Variants in BIRC2 observed in about 807,000 individuals in gnomAD.
BIRC2 encodes baculoviral IAP repeat-containing protein 2.
Under a neutral mutation model 60.9 loss-of-function variants are expected in BIRC2, and 18 were observed. The ratio of observed to expected loss-of-function variants is 0.30; its 90% CI spans 0.20 to 0.44. The LOEUF (loss-of-function observed/expected upper bound fraction) is 0.44. Ranked by LOEUF, BIRC2 falls within the 20% of genes least tolerant of loss-of-function variation. The probability of loss-of-function intolerance (pLI) is 1.00; values close to 1 mark genes in which losing one functional copy is unlikely to be tolerated. For missense variants in BIRC2, 701 were observed against 728.5 expected (o/e 0.96, Z 0.43); for synonymous variants, 282 against 247.7 (o/e 1.14, Z -1.30).
At chr11:102,351,163 A>G (rs1193511381) in intron 3 of BIRC2, among the ~76,000 whole-genome samples, 1 of 152,240 alleles carries the variant, frequency 6.6e-6, no homozygotes, top group African/African-American at 2.4e-5. Context: ...GTATGACCGT[A>G]CATTTTATTT....
intron 3 of BIRC2, among the ~76,000 whole-genome samples, chr11:102,354,719 G>C (rs1951401501): frequency 6.6e-6 from 1 of 152,132 alleles, no homozygotes; most frequent in Non-Finnish European, 1.5e-5. Context: ...AATGGTCAAG[G>C]GTTCCCTTTT....
chr11:102,354,402 T>G (rs1177180886), intron 3 of BIRC2, among the ~76,000 whole-genome samples: 1 of 152,082 alleles, frequency 6.6e-6, no homozygotes, highest in Non-Finnish European at 1.5e-5. Context: ...AGAGACGGGG[T>G]TTCACCATGT....
chr11:102,354,944 GTTTTTTTT>G (rs61520984), intron 3 of BIRC2, among the ~76,000 whole-genome samples: 2 of 89,650 alleles, frequency 2.2e-5, no homozygotes, highest in Non-Finnish European at 4.5e-5. Flanking sequence ...AATTATTTGG[GTTTTTTTT>G]TTTTTTTTTT....
At chr11:102,363,963 T>C (rs1188747050) in intron 5 of BIRC2, among the ~76,000 whole-genome samples, 1 of 151,048 alleles carries the variant, frequency 6.6e-6, no homozygotes, top group African/African-American at 2.4e-5. Context: ...GGCAGGAGAA[T>C]TGCTTGAACC....
chr11:102,370,048 G>A (rs1353666034), intron 6 of BIRC2, among the ~76,000 whole-genome samples: 1 of 152,152 alleles, frequency 6.6e-6, no homozygotes, highest in Non-Finnish European at 1.5e-5. Context: ...TGAGTTCATT[G>A]TAGATTCTGG....
rs201065776 is a variant in BIRC2, at chr11:102,349,831, A to G, written c.-24A>G. On this transcript the variant is annotated 5_prime_UTR_variant, in exon 2 of 9. Coordinates refer to ENST00000227758, the MANE Select transcript of BIRC2 (RefSeq NM_001166.5). ...GAAATTTCATGTGAATGTTTTAGCT[A>G]TCAAACAGTACTGTCACCTACTCAT... 333 of 1,535,652 alleles carry G rather than the reference A, an allele frequency of 2.2e-4. 5 individuals carry two copies. In the Admixed American group the frequency reaches 6.8e-3, roughly 31 times the overall value.
chr11:102,372,303 T>A (rs541732316), intron 6 of BIRC2, among the ~76,000 whole-genome samples: 45 of 152,352 alleles, frequency 3.0e-4, no homozygotes, highest in African/African-American at 1.1e-3. Flanking sequence ...CTTGAGGGCA[T>A]TTAATGCTAT....
chr11:102,368,658 G>A, intron 6 of BIRC2, 110 bp downstream of exon 6: 2 of 1,428,436 alleles, frequency 1.4e-6, no homozygotes, highest in South Asian at 1.4e-5. Flanking sequence ...GCTGGTAGCA[G>A]TCCTCCAGTC....
intron 3 of BIRC2, 25 bp from the exon 4 acceptor site, chr11:102,362,871 A>C: frequency 6.3e-7 from 1 of 1,577,424 alleles, no homozygotes; most frequent in Non-Finnish European, 8.7e-7. Context: ...CAATTTTAAA[A>C]AATAATTTTC....
intron 6 of BIRC2, among the ~76,000 whole-genome samples, chr11:102,373,183 G>T (rs1220002473): frequency 6.6e-6 from 1 of 151,822 alleles, no homozygotes; most frequent in African/African-American, 2.4e-5. Flanking sequence ...AGTTAATATT[G>T]TCATGTGTGA....
In BIRC2 at chr11:102,347,239, G is replaced by C. The variant is rs902044351; in HGVS notation, c.-1395G>C. ...ATCGTGCGTCAGAGTGAGCCCGGAT[G>C]GGGCGGCGGGCTTCGGGAGCGCCCG... On this transcript the variant is annotated 5_prime_UTR_variant, in exon 1 of 9. The change abolishes an upstream ATG in the 5' untranslated region. Transcript: ENST00000227758. 7.9e-5 allele frequency: 12 copies of C among 152,298 alleles called. No homozygotes were observed. The highest frequency in any genetic ancestry group is 8.8e-5 in the Non-Finnish European group (6 of 68,072). The allele number at this position is 152,298 out of a possible 1,614,324, so 9.4% of individuals were successfully genotyped here. A position where few individuals can be genotyped will look rare whatever the true frequency, so the allele number is the denominator to read the frequency against.
intron 6 of BIRC2, among the ~76,000 whole-genome samples, chr11:102,375,147 G>A (rs1049795464): frequency 3.5e-4 from 53 of 152,348 alleles, no homozygotes; most frequent in African/African-American, 1.2e-3. Flanking sequence ...CACGCTGGGA[G>A]CTGTACACCG....
chr11:102,374,751 C>T (rs969914603), intron 6 of BIRC2, among the ~76,000 whole-genome samples: 59 of 152,072 alleles, frequency 3.9e-4, no homozygotes, highest in African/African-American at 1.2e-3. Context: ...CAATGGCGGG[C>T]GCCCCTCCCC....
intron 5 of BIRC2, among the ~76,000 whole-genome samples, chr11:102,367,880 C>T (rs1951571779): frequency 1.3e-5 from 2 of 152,342 alleles, no homozygotes; most frequent in Non-Finnish European, 1.5e-5. Context: ...AGTCCAAACT[C>T]TAATGCGCCA....
At chr11:102,356,517 G>A (rs969060704) in intron 3 of BIRC2, among the ~76,000 whole-genome samples, 23 of 151,394 alleles carry the variant, frequency 1.5e-4, no homozygotes, top group African/African-American at 5.1e-4. Flanking sequence ...TTTCATTATC[G>A]AGTATGATGT....
chr11:102,361,529 A>G (rs535920630), intron 3 of BIRC2, among the ~76,000 whole-genome samples: 13 of 152,234 alleles, frequency 8.5e-5, no homozygotes, highest in South Asian at 4.1e-4. Context: ...CACAGCAGCA[A>G]TGGGTGCTGG....
intron 1 of BIRC2, chr11:102,347,577 G>C (rs1402973090): frequency 6.6e-6 from 1 of 152,312 alleles, no homozygotes; most frequent in Non-Finnish European, 1.5e-5. Context: ...CCAACTTCGA[G>C]ACTTGCAGTC....
intron 5 of BIRC2, 95 bp from the exon 6 acceptor site, chr11:102,368,211 T>G (rs980432312): frequency 1.1e-4 from 157 of 1,392,612 alleles, no homozygotes; most frequent in Non-Finnish European, 1.5e-4. Flanking sequence ...TACCAGAATA[T>G]GAGAGTAAAG....
intron 3 of BIRC2, 131 bp downstream of exon 3, chr11:102,351,074 A>G: frequency 1.2e-6 from 1 of 813,562 alleles, no homozygotes. Flanking sequence ...TATCCTTCTA[A>G]AAGATCACAT....
Sources: allele counts gnomAD v4.1 joint callset (sites outside exome capture counted in the v4.1 genomes callset), GRCh38; gene constraint gnomAD v4.1.1; transcripts MANE v1.5; gene names NCBI Gene and HGNC (gene_info 2026-07-23, HGNC 2026-07-21).